The following IQCK variants were observed in gnomAD, a reference collection of about 807,000 sequenced individuals.
IQCK encodes IQ motif containing K, also known as IQ domain-containing protein K.
A neutral mutation model predicts 28.1 loss-of-function variants in IQCK; 29 were observed. The observed-to-expected ratio is 1.03, with a 90% CI of 0.77 to 1.41. The LOEUF (loss-of-function observed/expected upper bound fraction) is 1.41. Among genes scored for constraint, IQCK ranks in the 40% most tolerant of loss-of-function variants. The pLI is 0.00. For synonymous variants in IQCK, 113 were observed against 115.1 expected, an observed-to-expected ratio of 0.98 and a Z score of 0.12; for missense variants, 359 against 314.7, an observed-to-expected ratio of 1.14 and a Z score of -1.07.
intron 1 of IQCK, among the ~76,000 whole-genome samples, chr16:19,721,329 C>T (rs958101747): frequency 6.6e-6 from 1 of 152,230 alleles, no homozygotes; most frequent in African/African-American, 2.4e-5. Flanking sequence ...CTAACTTACA[C>T]AGACCTTAAC....
chr16:19,828,358 C>T (rs1325568200), downstream of IQCK, among the ~76,000 whole-genome samples: 2 of 149,930 alleles, frequency 1.3e-5, no homozygotes, highest in East Asian at 2.0e-4. Context: ...CTCAGCCTCC[C>T]GAGTAGCTGG....
chr16:19,836,656 GGC>G (rs1456682989), intron 9 of IQCK, among the ~76,000 whole-genome samples: 14 of 152,128 alleles, frequency 9.2e-5, no homozygotes, highest in Non-Finnish European at 1.5e-4. Flanking sequence ...TGGGACTACA[GGC>G]GCACGCCACC....
chr16:19,747,290 TC>T (rs1180082468), intron 4 of IQCK, among the ~76,000 whole-genome samples: 1 of 152,108 alleles, frequency 6.6e-6, no homozygotes, highest in Non-Finnish European at 1.5e-5. Flanking sequence ...GATGAGCTGT[TC>T]CATGTGGTCT....
At chr16:19,836,116 A>C (rs555050479) in intron 9 of IQCK, among the ~76,000 whole-genome samples, 1 of 152,372 alleles carries the variant, frequency 6.6e-6, no homozygotes, top group East Asian at 1.9e-4. Context: ...ATAATTCTAA[A>C]TGAGGTCATT....
chr16:19,822,067 C>CAAAAAAAAAAAAAAACAAAAAAAA (rs2056079009), intron 7 of IQCK, among the ~76,000 whole-genome samples: 1 of 64,628 alleles, frequency 1.5e-5, no homozygotes, highest in Non-Finnish European at 3.2e-5. Flanking sequence ...GACCCTGTCT[C>CAAAAAAAAAAAAAAACAAAAAAAA]AAAAAAAAAA....
At chr16:19,736,556 C>T (rs150243617) in intron 4 of IQCK, among the ~76,000 whole-genome samples, 51 of 152,272 alleles carry the variant, frequency 3.3e-4, no homozygotes, top group African/African-American at 1.2e-3. Context: ...CCGTAGTTCA[C>T]GGGATACTTT....
intron 1 of IQCK, among the ~76,000 whole-genome samples, chr16:19,721,186 G>A (rs1271931097): frequency 6.6e-6 from 1 of 152,150 alleles, no homozygotes; most frequent in Non-Finnish European, 1.5e-5. Context: ...AACAGGCTTT[G>A]TAGTAATCCT....
intron 6 of IQCK, among the ~76,000 whole-genome samples, chr16:19,774,578 T>A (rs1465599123): frequency 6.6e-6 from 1 of 152,080 alleles, no homozygotes; most frequent in African/African-American, 2.4e-5. Flanking sequence ...TTGCCCAGAC[T>A]GTCTGGAACT....
At chr16:19,827,098 C>A (rs1378578819) in exon 8 of IQCK, 1 of 1,613,896 alleles carries the variant, frequency 6.2e-7, no homozygotes, top group Non-Finnish European at 8.5e-7. Context: ...GCACATTCAC[C>A]AGCAAGTCAA....
chr16:19,729,962 AT>A (rs890083921), intron 1 of IQCK, among the ~76,000 whole-genome samples: 2 of 140,964 alleles, frequency 1.4e-5, no homozygotes, highest in African/African-American at 2.7e-5. Context: ...TTTATTAATA[AT>A]TTTTTTTTAG....
chr16:19,793,643 GTTTTTTTTTTTTT>G (rs1285541664), intron 7 of IQCK, among the ~76,000 whole-genome samples: 9 of 61,796 alleles, frequency 1.5e-4, no homozygotes, highest in Middle Eastern at 0.021. Context: ...TCTCAGTTGG[GTTTTTTTTTTTTT>G]TTTTTTTTTT....
chr16:19,777,990 T>A (rs2055418634), intron 6 of IQCK, among the ~76,000 whole-genome samples: 1 of 151,852 alleles, frequency 6.6e-6, no homozygotes, highest in African/African-American at 2.4e-5. Context: ...GAGGCAGAGG[T>A]TGCAGTGAGC....
At chr16:19,819,996 T>C (rs978725784) in intron 7 of IQCK, among the ~76,000 whole-genome samples, 2 of 152,108 alleles carry the variant, frequency 1.3e-5, no homozygotes, top group Non-Finnish European at 2.9e-5. Flanking sequence ...GGACAAAGAA[T>C]AGCCTCTTCA....
chr16:19,834,808 A>T (rs1000864024), intron 9 of IQCK, among the ~76,000 whole-genome samples: 2 of 152,232 alleles, frequency 1.3e-5, no homozygotes, highest in Non-Finnish European at 2.9e-5. Context: ...GGTACCAGGA[A>T]CACTCTAGCC....
At chr16:19,749,807 C>T (rs1268529228) in intron 4 of IQCK, among the ~76,000 whole-genome samples, 1 of 151,448 alleles carries the variant, frequency 6.6e-6, no homozygotes, top group Non-Finnish European at 1.5e-5. Context: ...TGTGCCAATT[C>T]ATGCTTTGAA....
At chr16:19,815,329 A>C (rs1176987328) in intron 7 of IQCK, among the ~76,000 whole-genome samples, 5 of 152,122 alleles carry the variant, frequency 3.3e-5, no homozygotes, top group Non-Finnish European at 7.4e-5. Flanking sequence ...ATACCAGGGA[A>C]TAGGTGATAT....
At chr16:19,726,810 C>T (rs576971216) in intron 1 of IQCK, among the ~76,000 whole-genome samples, 50 of 152,180 alleles carry the variant, frequency 3.3e-4, no homozygotes, top group Non-Finnish European at 6.5e-4. Context: ...CCAGGCACTT[C>T]CCTTACCAAA....
At chr16:19,733,363 T>C (rs952954201) in intron 2 of IQCK, among the ~76,000 whole-genome samples, 1 of 152,144 alleles carries the variant, frequency 6.6e-6, no homozygotes, top group Non-Finnish European at 1.5e-5. Flanking sequence ...GGCTTTGAAC[T>C]CCTGACCTCA....
At chr16:19,739,620 C>G (rs1322409973) in intron 4 of IQCK, among the ~76,000 whole-genome samples, 1 of 152,044 alleles carries the variant, frequency 6.6e-6, no homozygotes, top group Non-Finnish European at 1.5e-5. Flanking sequence ...TTTGAGACCA[C>G]CCTGGGTAAC....
Sources: gnomAD v4.1 joint callset for allele counts (sites outside exome capture counted in the v4.1 genomes callset) on GRCh38, gnomAD v4.1.1 for gene constraint, MANE v1.5 for transcripts, NCBI Gene and HGNC (gene_info 2026-07-23, HGNC 2026-07-21) for gene names.